Variants in DYNC2H1 observed in about 807,000 individuals in gnomAD.
DYNC2H1 encodes the protein dynein cytoplasmic 2 heavy chain 1, also known as cytoplasmic dynein 2 heavy chain 1.
DYNC2H1 carries 410 observed loss-of-function variants against 570.0 expected under a neutral mutation model. That is an observed-to-expected ratio of 0.72 (90% CI 0.66 to 0.78). The LOEUF is 0.78. DYNC2H1 is among the 30% of genes least tolerant of loss of function. DYNC2H1 has a pLI of 0.00. For missense variants in DYNC2H1, 4,865 were observed against 5,046.4 expected (o/e 0.96, Z 1.09); for synonymous variants, 1,688 against 1,677.6 (o/e 1.01, Z -0.15).
chr11:103,460,812 T>TAAAGTTCTGTATATC (rs1944985399), intron 87 of DYNC2H1, among the ~76,000 whole-genome samples: 1 of 152,082 alleles, frequency 6.6e-6, no homozygotes, highest in East Asian at 1.9e-4. Context: ...TGTTTTCATA[T>TAAAGTTCTGTATATC]AAAGTTCTGT....
At chr11:103,442,446 A>G (rs1042156271) in intron 85 of DYNC2H1, among the ~76,000 whole-genome samples, 2 of 152,146 alleles carry the variant, frequency 1.3e-5, no homozygotes, top group South Asian at 2.1e-4. Flanking sequence ...AGCTTTTACT[A>G]TAGCAATAGT....
chr11:103,434,564 A>G (rs540257349), intron 84 of DYNC2H1, among the ~76,000 whole-genome samples: 2 of 152,136 alleles, frequency 1.3e-5, no homozygotes, highest in South Asian at 2.1e-4. Flanking sequence ...CCAATGCCAT[A>G]TGATTGAGGA....
intron 10 of DYNC2H1, 66 bp downstream of exon 10, chr11:103,121,562 G>T: frequency 2.0e-6 from 3 of 1,522,766 alleles, no homozygotes; most frequent in Non-Finnish European, 1.8e-6. Context: ...GCATGTAGAA[G>T]GTACTCTAGA....
rs1861845977 is a variant in DYNC2H1, at chr11:103,176,966, A to G, written c.5874+532A>G. Among the ~76,000 whole-genome samples, 8 of 152,250 alleles carry G rather than the reference A, an allele frequency of 5.3e-5. No homozygotes were observed. In the South Asian group the frequency reaches 1.7e-3, roughly 32 times the overall value. On this transcript the variant is annotated intron_variant, in intron 37 of 88. Transcript: ENST00000375735. ...GGTGATCTGCCCACCTTGGTCTCCCAAAGCACTGGGATTACAGGCCTGAGC... is the reference window on the plus strand; with the variant it reads ...GGTGATCTGCCCACCTTGGTCTCCCGAAGCACTGGGATTACAGGCCTGAGC...
At chr11:103,436,359 A>G (rs1944060226) in intron 85 of DYNC2H1, among the ~76,000 whole-genome samples, 1 of 152,048 alleles carries the variant, frequency 6.6e-6, no homozygotes, top group Non-Finnish European at 1.5e-5. Context: ...GGAGCTCCCT[A>G]TGGGGAGCTG....
chr11:103,161,812 C>A (rs949905951), intron 29 of DYNC2H1, among the ~76,000 whole-genome samples: 1 of 152,094 alleles, frequency 6.6e-6, no homozygotes, highest in Non-Finnish European at 1.5e-5. Flanking sequence ...TGATCAAAGG[C>A]CTATTATAGG....
intron 84 of DYNC2H1, among the ~76,000 whole-genome samples, chr11:103,411,858 C>A (rs1444052690): frequency 1.3e-5 from 2 of 151,876 alleles, no homozygotes; most frequent in African/African-American, 2.4e-5. Flanking sequence ...TTAAGAAATG[C>A]AGCCTCAGAA....
intron 78 of DYNC2H1, among the ~76,000 whole-genome samples, chr11:103,308,269 T>C (rs2135407428): frequency 6.6e-6 from 1 of 152,322 alleles, no homozygotes; most frequent in East Asian, 1.9e-4. Context: ...AATCATGGAT[T>C]ATCTTTTTGT....
chr11:103,238,796 G>T (rs890826234), intron 63 of DYNC2H1, among the ~76,000 whole-genome samples: 1 of 152,202 alleles, frequency 6.6e-6, no homozygotes, highest in South Asian at 2.1e-4. Flanking sequence ...ACATACCCTT[G>T]GTCTTACAAC....
chr11:103,459,329 A>AAAAAGG (rs1944920251), intron 87 of DYNC2H1, among the ~76,000 whole-genome samples: 1 of 149,396 alleles, frequency 6.7e-6, no homozygotes, highest in Non-Finnish European at 1.5e-5. Context: ...AAAAAAAAAA[A>AAAAAGG]AAAAGGAAAT....
At chr11:103,309,199 G>A (rs1350092574) in intron 78 of DYNC2H1, among the ~76,000 whole-genome samples, 5 of 53,504 alleles carry the variant, frequency 9.3e-5, no homozygotes, top group Non-Finnish European at 1.8e-4. Context: ...TTTTGAGATG[G>A]GGTCTCGCTC....
At chr11:103,331,480 G>A (rs986445287) in intron 82 of DYNC2H1, among the ~76,000 whole-genome samples, 5 of 152,094 alleles carry the variant, frequency 3.3e-5, no homozygotes, top group African/African-American at 1.2e-4. Context: ...TTTGAAACCT[G>A]CACTGCAAAA....
intron 85 of DYNC2H1, among the ~76,000 whole-genome samples, chr11:103,441,832 A>G (rs1944280987): frequency 6.6e-6 from 1 of 152,184 alleles, no homozygotes; most frequent in Non-Finnish European, 1.5e-5. Flanking sequence ...GCAATTTATT[A>G]TAATTACATT....
At chr11:103,251,989 TC>T (rs141637259) in intron 65 of DYNC2H1, among the ~76,000 whole-genome samples, 26,706 of 151,960 alleles carry the variant, frequency 0.18, 2,966 homozygotes, top group African/African-American at 0.32. Context: ...AGTGGTGTGA[TC>T]CATAGTTCAC....
rs1276064392 is a variant in DYNC2H1, at chr11:103,228,585, G to A, written c.9354-2675G>A. 6.6e-6 allele frequency among the ~76,000 whole-genome samples: 1 copy of A among 152,160 alleles called. No individual in the cohort carries two copies. Among genetic ancestry groups the A allele is most frequent in the African/African-American group, 2.4e-5 (1 of 41,442 alleles). On this transcript the variant is annotated intron_variant, in intron 59 of 88. Coordinates refer to ENST00000375735, the MANE Select transcript of DYNC2H1 (RefSeq NM_001377.3). This position sits in a 1 kb window ranked among gnomAD's most constrained non-coding sequence, Gnocchi z 6.1. The stretch of plus-strand genomic sequence containing the variant: ...GTGGATACCAGCACCTGCTCCACTG[G>A]AGGTAGCAGGGGAATGAAGTGAACT...
At chr11:103,318,014 A>G (rs1177191370) in intron 80 of DYNC2H1, among the ~76,000 whole-genome samples, 2 of 152,100 alleles carry the variant, frequency 1.3e-5, no homozygotes, top group African/African-American at 4.8e-5. Context: ...TAGTTACTCA[A>G]TTATTATTTC....
intron 82 of DYNC2H1, among the ~76,000 whole-genome samples, chr11:103,357,391 G>A (rs958851401): frequency 6.6e-6 from 1 of 152,028 alleles, no homozygotes; most frequent in African/African-American, 2.4e-5. Context: ...TGTATGTAGA[G>A]GAAACATTGA....
chr11:103,299,217 G>A lies in DYNC2H1; in HGVS notation c.11096-3876G>A, dbSNP rs1346068378. 1.3e-5 allele frequency among the ~76,000 whole-genome samples: 2 copies of A among 152,014 alleles called. No homozygotes were observed. The highest frequency in any genetic ancestry group is 2.1e-4 in the South Asian group (1 of 4,824). ...GCATCTTTCCTAGTTTTACAGTTCT[G>A]TACCTCTTATGGCATCATCCCATCC... On this transcript the variant is annotated intron_variant, in intron 75 of 88. Transcript: ENST00000375735. This position sits in a 1 kb window ranked among gnomAD's most constrained non-coding sequence, Gnocchi z 4.5.
intron 50 of DYNC2H1, among the ~76,000 whole-genome samples, chr11:103,202,124 T>A (rs1040862310): frequency 1.3e-5 from 2 of 152,154 alleles, no homozygotes; most frequent in African/African-American, 4.8e-5. Context: ...AAGTGGTAGA[T>A]CCATTTCTGT....
Sources: allele counts gnomAD v4.1 joint callset (sites outside exome capture counted in the v4.1 genomes callset), GRCh38; gene constraint gnomAD v4.1.1; non-coding constraint Gnocchi (gnomAD v3.1); transcripts MANE v1.5; gene names NCBI Gene and HGNC (gene_info 2026-07-23, HGNC 2026-07-21).